Variants in DIAPH3 observed in about 807,000 individuals in gnomAD.
The protein encoded by DIAPH3 is protein diaphanous homolog 3.
In DIAPH3, 117 loss-of-function variants were observed where a neutral mutation model predicts 144.3. That is an observed-to-expected ratio of 0.81 (90% CI 0.70 to 0.95). The LOEUF is 0.95. Ranked by LOEUF, DIAPH3 falls within the 40% of genes least tolerant of loss-of-function variation. The pLI, the probability that DIAPH3 is intolerant of heterozygous loss-of-function variation, is 0.00. For synonymous variants in DIAPH3, 519 were observed against 488.9 expected (o/e 1.06, Z -0.81); for missense variants, 1,421 against 1,412.7 (o/e 1.01, Z -0.09).
intron 24 of DIAPH3, among the ~76,000 whole-genome samples, chr13:59,821,768 T>C (rs341522): frequency 0.75 from 113,993 of 152,106 alleles, 43,010 homozygotes; most frequent in East Asian, 0.88. Flanking sequence ...TAAAAAACTG[T>C]TATCAATGAA....
intron 4 of DIAPH3, among the ~76,000 whole-genome samples, chr13:60,069,534 A>G (rs963851850): frequency 6.6e-6 from 1 of 152,032 alleles, no homozygotes; most frequent in Non-Finnish European, 1.5e-5. Context: ...TGGAGTCTCC[A>G]TCGTAAAATA....
intron 17 of DIAPH3, among the ~76,000 whole-genome samples, chr13:59,948,597 A>G (rs1012848836): frequency 6.6e-6 from 1 of 151,984 alleles, no homozygotes; most frequent in Non-Finnish European, 1.5e-5. Context: ...AGCTACAGGC[A>G]TGGGTTTATC....
intron 24 of DIAPH3, among the ~76,000 whole-genome samples, chr13:59,817,522 C>T (rs1046175426): frequency 6.6e-6 from 1 of 151,822 alleles, no homozygotes; most frequent in Non-Finnish European, 1.5e-5. Context: ...ATTTCATTAA[C>T]TGTCCTGTTA....
intron 20 of DIAPH3, among the ~76,000 whole-genome samples, chr13:59,903,433 TA>T (rs1435743828): frequency 2.0e-5 from 3 of 152,146 alleles, no homozygotes; most frequent in Non-Finnish European, 4.4e-5. Flanking sequence ...CAACATCTTT[TA>T]TGAAATAAAA....
chr13:60,123,017 A>C (rs534046113), intron 2 of DIAPH3, among the ~76,000 whole-genome samples: 41 of 152,270 alleles, frequency 2.7e-4, no homozygotes, highest in African/African-American at 8.9e-4. Flanking sequence ...ATTACCCATA[A>C]ACAAAAAGTC....
chr13:59,960,902 A>G (rs1594135654), intron 17 of DIAPH3, among the ~76,000 whole-genome samples: 2 of 152,296 alleles, frequency 1.3e-5, no homozygotes. Flanking sequence ...AACGAGCTTT[A>G]TATTTATTCC....
chr13:60,161,084 C>T (rs1952268731), intron 1 of DIAPH3, among the ~76,000 whole-genome samples: 1 of 152,180 alleles, frequency 6.6e-6, no homozygotes, highest in South Asian at 2.1e-4. Context: ...TTCTACTACT[C>T]GCTTGCTGCT....
intron 20 of DIAPH3, among the ~76,000 whole-genome samples, chr13:59,882,098 T>C (rs2045092746): frequency 6.6e-6 from 1 of 152,058 alleles, no homozygotes; most frequent in South Asian, 2.1e-4. Context: ...GGGTTACTTT[T>C]CTTTTTTTGA....
intron 5 of DIAPH3, among the ~76,000 whole-genome samples, chr13:60,040,705 T>C (rs1424931738): frequency 6.6e-6 from 1 of 152,120 alleles, no homozygotes; most frequent in African/African-American, 2.4e-5. Context: ...TGAGTGTGAA[T>C]TGTCTCCCCA....
intron 27 of DIAPH3, among the ~76,000 whole-genome samples, chr13:59,705,870 A>G (rs1345045566): frequency 2.0e-5 from 3 of 152,102 alleles, no homozygotes; most frequent in Non-Finnish European, 4.4e-5. Context: ...CTGTGCTGAT[A>G]TTACTAAGCA....
At chr13:59,682,107 A>G (rs1235949320) in intron 27 of DIAPH3, among the ~76,000 whole-genome samples, 3 of 152,180 alleles carry the variant, frequency 2.0e-5, no homozygotes, top group South Asian at 2.1e-4. Flanking sequence ...TCTTTGCTGT[A>G]TATCTACTGA....
At chr13:60,002,947 T>A (rs1472078340) in intron 9 of DIAPH3, among the ~76,000 whole-genome samples, 1 of 151,578 alleles carries the variant, frequency 6.6e-6, no homozygotes, top group Non-Finnish European at 1.5e-5. Context: ...AGGAGAGAAA[T>A]AAAAATAACA....
At chr13:59,983,555 G>C (rs2051168015) in intron 13 of DIAPH3, among the ~76,000 whole-genome samples, 1 of 151,502 alleles carries the variant, frequency 6.6e-6, no homozygotes, top group East Asian at 1.9e-4. Context: ...TCATAACAAA[G>C]TGCCAGGAGT....
At position 59,884,972 on chromosome 13, in the gene DIAPH3, G is replaced by A. The variant is rs553071038; in HGVS notation, c.2368-5504C>T. On this transcript the variant is annotated intron_variant, in intron 20 of 27. Coordinates refer to ENST00000400324, the MANE Select transcript of DIAPH3 (RefSeq NM_001042517.2). The stretch of plus-strand genomic sequence containing the variant: ...TTTCATAGGAGAAAGGTAAAGCCAA[G>A]GCTTGTACAAAAATATTAAAAGGCT... Among the ~76,000 whole-genome samples the A allele has an allele frequency of 1.3e-4, 20 of 152,210 alleles. No homozygotes were observed. The South Asian group carries it at 4.1e-3, about 32-fold the overall frequency.
chr13:59,982,073 A>G lies in DIAPH3; in HGVS notation c.1481-1214T>C, dbSNP rs1354100968. Among the ~76,000 whole-genome samples the G allele has an allele frequency of 3.3e-5, 5 of 151,408 alleles. No homozygotes were observed. The East Asian group carries it at 7.8e-4, about 24-fold the overall frequency. On this transcript the variant is annotated intron_variant, in intron 13 of 27. Coordinates refer to ENST00000400324, the MANE Select transcript of DIAPH3 (RefSeq NM_001042517.2). Reference sequence around the variant, plus strand: ...TGCTTTCCAATACCTTTTCTCCCCTATTGCCCACCTTTGGTTCTTCTCTCA... The same window carrying G: ...TGCTTTCCAATACCTTTTCTCCCCTGTTGCCCACCTTTGGTTCTTCTCTCA...
At chr13:59,821,566 T>A (rs1033210732) in intron 24 of DIAPH3, among the ~76,000 whole-genome samples, 15 of 152,120 alleles carry the variant, frequency 9.9e-5, no homozygotes, top group African/African-American at 3.6e-4. Flanking sequence ...CAGTTTTCCA[T>A]TAAAATTATT....
chr13:60,108,195 A>G (rs1375369030), intron 3 of DIAPH3, among the ~76,000 whole-genome samples: 1 of 152,062 alleles, frequency 6.6e-6, no homozygotes, highest in African/African-American at 2.4e-5. Context: ...GTGAAAAGTA[A>G]AAAAAAAGAA....
intron 25 of DIAPH3, among the ~76,000 whole-genome samples, chr13:59,779,256 T>C (rs571120033): frequency 2.7e-4 from 41 of 152,322 alleles, no homozygotes; most frequent in African/African-American, 8.9e-4. Context: ...ACTAACTACC[T>C]GTGAGACACT....
intron 4 of DIAPH3, among the ~76,000 whole-genome samples, chr13:60,046,850 A>G (rs1374582983): frequency 1.3e-5 from 2 of 152,202 alleles, no homozygotes; most frequent in African/African-American, 2.4e-5. Context: ...GGAAACCATC[A>G]TTCTCAGCAA....
Sources: gnomAD v4.1 joint callset for allele counts (sites outside exome capture counted in the v4.1 genomes callset) on GRCh38, gnomAD v4.1.1 for gene constraint, MANE v1.5 for transcripts, NCBI Gene and HGNC (gene_info 2026-07-23, HGNC 2026-07-21) for gene names.